Variants in CD22 observed in about 807,000 individuals in gnomAD.
CD22 encodes B-cell receptor CD22.
A neutral mutation model predicts 94.7 loss-of-function variants in CD22; 51 were observed. The observed-to-expected ratio is 0.54, with a 90% CI of 0.43 to 0.68. The LOEUF (loss-of-function observed/expected upper bound fraction) is 0.68, where lower values mean the gene tolerates loss of function less well. Among genes scored for constraint, CD22 ranks in the 30% least tolerant of loss-of-function variants. The pLI, the probability that CD22 is intolerant of heterozygous loss-of-function variation, is 0.00. For missense variants in CD22, 931 were observed against 1,060.4 expected, an observed-to-expected ratio of 0.88 and a Z score of 1.69; for synonymous variants, 424 against 422.5, an observed-to-expected ratio of 1.00 and a Z score of -0.04.
Position 35,341,646 on chromosome 19 carries a change from G to T in CD22, c.1771+40G>T, listed in dbSNP as rs373183092. On this transcript the variant is annotated intron_variant, in intron 8 of 13. Coordinates refer to ENST00000085219, the MANE Select transcript of CD22 (RefSeq NM_001771.4). The surrounding 1 kb of genome is among the most constrained non-coding windows in gnomAD (Gnocchi z 4.0). ...GAGGCTGGGAGTGGAGCAGAGAAGG[G>T]ACCAGTGGCCTGCCTGGTAGTGACT... 6.2e-7 allele frequency: 1 copy of T among 1,607,190 alleles called. No homozygotes were observed. The highest frequency in any genetic ancestry group is 8.5e-7 in the Non-Finnish European group (1 of 1,175,552).
intron 3 of CD22, among the ~76,000 whole-genome samples, chr19:35,334,864 G>T (rs2066696043): frequency 1.3e-5 from 2 of 151,776 alleles, no homozygotes; most frequent in Non-Finnish European, 2.9e-5. Context: ...GGATCACAAG[G>T]TCAGGAGATC....
At chr19:35,346,087 T>G in intron 12 of CD22, 64 bp from the exon 13 acceptor site, 7 of 1,273,504 alleles carry the variant, frequency 5.5e-6, no homozygotes, top group East Asian at 2.3e-5. Context: ...CTCTGGGTGT[T>G]GAGAGGGAGG....
chr19:35,338,551 C>A, intron 6 of CD22, 120 bp downstream of exon 6: 1 of 1,006,452 alleles, frequency 9.9e-7, no homozygotes, highest in Non-Finnish European at 1.5e-6. Flanking sequence ...CAGCCAGGGT[C>A]TCCTGTTCAC....
rs1444351737 is a variant in CD22 at position 35,341,513 on chromosome 19, T to C, written c.1678T>C (p.Ser560Pro). 1.2e-6 allele frequency: 2 copies of C among 1,614,042 alleles called. No individual in the cohort carries two copies. Among genetic ancestry groups the C allele is most frequent in the Non-Finnish European group, 1.7e-6 (2 of 1,180,000 alleles). Residue 560 changes from serine to proline, a missense_variant, in exon 8 of 14, where the codon TCC becomes CCC. Transcript: ENST00000085219. The surrounding 1 kb of genome is among the most constrained non-coding windows in gnomAD (Gnocchi z 4.0). ...GAAAGAAAGCCAGCTGAATTTTGACTCCATCTCCCCAGAAGATGCTGGGAG... is the reference window on the plus strand; with the variant it reads ...GAAAGAAAGCCAGCTGAATTTTGACCCCATCTCCCCAGAAGATGCTGGGAG... ...LGKESQLNFDSISPEDAGSYS... is the reference protein window; with the variant it reads ...LGKESQLNFDPISPEDAGSYS...
rs755294292 is a variant in CD22 at position 35,345,096 on chromosome 19, C to T, written c.2178C>T (p.Ser726=). Residue 726 remains serine (S), a synonymous_variant, in exon 11 of 14, where the codon AGC becomes AGT. Coordinates refer to ENST00000085219, the MANE Select transcript of CD22 (RefSeq NM_001771.4). ...AGCAGGGGCTTCAGGAGAATTCCAG[C>T]GGCCAGAGCTTCTTTGTGAGGAATA... is the stretch of plus-strand genomic sequence containing the variant. The part of the protein sequence containing the change: ...QSQQGLQENS[S]GQSFFVRNKK... The T allele has an allele frequency of 2.7e-5, 44 of 1,613,786 alleles. No homozygotes were observed. Among genetic ancestry groups the T allele is most frequent in the African/African-American group, 5.3e-5 (4 of 74,816 alleles).
Position 35,332,839 on chromosome 19 carries a change from G to A in CD22, c.327G>A (p.Val109=). 1 of 1,614,208 alleles carries A rather than the reference G, an allele frequency of 6.2e-7. No homozygotes were observed. The highest frequency in any genetic ancestry group is 8.5e-7 in the Non-Finnish European group (1 of 1,180,030). ...ACTGCACACTGAGTATCCACCCGGT[G>A]CACCTCAATGACAGTGGTCAGCTGG... ...NKNCTLSIHP[V]HLNDSGQLGL... The change falls in exon 3 of 14, where the codon GTG becomes GTA. Residue 109 remains valine, a synonymous_variant. Coordinates refer to ENST00000085219, the MANE Select transcript of CD22 (RefSeq NM_001771.4).
At chr19:35,345,015 G>A (rs1424944535) in intron 10 of CD22, 36 bp from the exon 11 acceptor site, 1 of 1,608,030 alleles carries the variant, frequency 6.2e-7, no homozygotes, top group Admixed American at 1.7e-5. Context: ...AGCCTGTGGA[G>A]TCCCTGACCC....
At chr19:35,331,724 C>A in intron 1 of CD22, 1 of 339,030 alleles carries the variant, frequency 2.9e-6, no homozygotes, top group Non-Finnish European at 5.5e-6. Flanking sequence ...TGGCACCTGC[C>A]TTTACCCAGC....
intron 11 of CD22, 154 bp downstream of exon 11, chr19:35,345,280 G>T: frequency 1.5e-6 from 1 of 662,228 alleles, no homozygotes; most frequent in Admixed American, 2.4e-5. Flanking sequence ...AATTAGCCGG[G>T]CGTGATGGTC....
chr19:35,339,560 A>G (rs1209192696), intron 6 of CD22, among the ~76,000 whole-genome samples: 1 of 151,660 alleles, frequency 6.6e-6, no homozygotes, highest in Non-Finnish European at 1.5e-5. Context: ...TTGTCTCAAA[A>G]AAAAGAATGG....
chr19:35,337,899 A>G lies in CD22; in HGVS notation c.863A>G (p.Lys288Arg). The change falls in exon 5 of 14, where the codon AAG becomes AGG. Residue 288 changes from lysine to arginine, a missense_variant. Transcript: ENST00000085219. This position sits in a 1 kb window ranked among gnomAD's most constrained non-coding sequence, Gnocchi z 4.4. ...CTCAAGGATGGGACCTCGCTGAAGA[A>G]GCAGAATACATTCACGCTAAACCTG... The part of the protein sequence containing the change: ...SWLKDGTSLK[K>R]QNTFTLNLRE... The G allele has an allele frequency of 6.2e-7, 1 of 1,614,234 alleles. No homozygotes were observed. Among genetic ancestry groups the G allele is most frequent in the East Asian group, 2.2e-5 (1 of 44,890 alleles).
At chr19:35,343,097 T>C (rs113923621) in intron 9 of CD22, among the ~76,000 whole-genome samples, 2,833 of 149,912 alleles carry the variant, frequency 0.019, 95 homozygotes, top group African/African-American at 0.066. Context: ...CGCACCCGGC[T>C]GATTTTTTTT....
At chr19:35,338,801 T>G (rs2066763618) in intron 6 of CD22, among the ~76,000 whole-genome samples, 1 of 151,976 alleles carries the variant, frequency 6.6e-6, no homozygotes, top group African/African-American at 2.4e-5. Context: ...GGCTAATTAT[T>G]TGTACTTTTA....
chr19:35,341,746 G>A lies in CD22; in HGVS notation c.1816G>A (p.Val606Met), dbSNP rs2066813053. 6.2e-7 allele frequency: 1 copy of A among 1,611,420 alleles called. No homozygotes were observed. Residue 606 changes from valine to methionine, a missense_variant, in exon 9 of 14, where the codon GTG (valine) becomes ATG (methionine). Val to Met is a conservative substitution (Grantham distance 21). Coordinates refer to ENST00000085219, the MANE Select transcript of CD22 (RefSeq NM_001771.4). This position sits in a 1 kb window ranked among gnomAD's most constrained non-coding sequence, Gnocchi z 4.0. Reference protein sequence around the residue: ...LRVSMSPGDQVMEGKSATLTC... With the variant: ...LRVSMSPGDQMMEGKSATLTC... Reference sequence around the variant, plus strand: ...TGTGTCCATGAGCCCGGGGGACCAAGTGATGGAGGGGAAGAGTGCAACCCT... The same window carrying A: ...TGTGTCCATGAGCCCGGGGGACCAAATGATGGAGGGGAAGAGTGCAACCCT...
intron 1 of CD22, chr19:35,329,563 A>G (rs1048592108): frequency 3.8e-5 from 9 of 238,452 alleles, no homozygotes; most frequent in African/African-American, 2.0e-4. Context: ...TGTGCATAAT[A>G]ACTGCTGTCC....
rs751339129 is a variant in CD22, at chr19:35,346,712, C to T, written c.*15C>T. On this transcript the variant is annotated 3_prime_UTR_variant, in exon 14 of 14. Transcript: ENST00000085219. ...TCAAACATTGACACTGGATGGGCTG[C>T]AGCAGAGGCACTGGGGGCAGCGGGG... 6.3e-7 allele frequency: 1 copy of T among 1,593,188 alleles called. No individual in the cohort carries two copies. Among genetic ancestry groups the T allele is most frequent in the Non-Finnish European group, 8.6e-7 (1 of 1,167,446 alleles).
rs189728733 is a variant in CD22, at chr19:35,341,572, G to A, written c.1737G>A (p.Gln579=). 62 of 1,613,694 alleles carry A rather than the reference G, an allele frequency of 3.8e-5. No individual in the cohort carries two copies. In the East Asian group the frequency reaches 4.5e-4, roughly 12 times the overall value. ...YSCWVNNSIG[Q]TASKAWTLEV... is the part of the protein sequence containing the mutation. ...GCTGGGTGAACAACTCCATAGGACA[G>A]ACAGCGTCCAAGGCCTGGACACTTG... is the stretch of plus-strand genomic sequence containing the variant. The change falls in exon 8 of 14, where the codon CAG becomes CAA. Residue 579 remains glutamine (Q), a synonymous_variant. Coordinates refer to ENST00000085219, the MANE Select transcript of CD22 (RefSeq NM_001771.4). This position sits in a 1 kb window ranked among gnomAD's most constrained non-coding sequence, Gnocchi z 4.0.
intron 3 of CD22, among the ~76,000 whole-genome samples, chr19:35,335,623 C>T (rs777943554): frequency 2.6e-5 from 4 of 151,466 alleles, no homozygotes; most frequent in East Asian, 1.9e-4. Flanking sequence ...GAGGCCAAGG[C>T]GGGAGGATCA....
intron 1 of CD22, chr19:35,329,649 G>A: frequency 5.3e-6 from 1 of 189,064 alleles, no homozygotes; most frequent in Non-Finnish European, 1.1e-5. Context: ...GACTCCTGGA[G>A]CTCCTTGAGG....
Sources: allele counts gnomAD v4.1 joint callset (sites outside exome capture counted in the v4.1 genomes callset), GRCh38; gene constraint gnomAD v4.1.1; non-coding constraint Gnocchi (gnomAD v3.1); transcripts MANE v1.5; gene names NCBI Gene and HGNC (gene_info 2026-07-23, HGNC 2026-07-21).